ATF6: variants seen among roughly 807,000 people sequenced by gnomAD.
ATF6 encodes cyclic AMP-dependent transcription factor ATF-6 alpha.
ATF6 carries 53 observed loss-of-function variants against 83.6 expected under a neutral mutation model. The observed-to-expected ratio is 0.63, with a 90% CI of 0.51 to 0.80. ATF6 has a LOEUF of 0.80. Among genes scored for constraint, ATF6 ranks in the 30% least tolerant of loss-of-function variants. The pLI, the probability that ATF6 is intolerant of heterozygous loss-of-function variation, is 0.00. For synonymous variants in ATF6, 288 were observed against 285.8 expected (o/e 1.01, Z -0.08); for missense variants, 744 against 797.9 (o/e 0.93, Z 0.81).
rs376187541 is a variant in ATF6, at chr1:161,792,202, C to G, written c.563C>G (p.Ala188Gly). Residue 188 changes from alanine (A) to glycine (G), a missense_variant, in exon 6 of 16, where the codon GCA becomes GGA. Transcript: ENST00000367942. ...SIQPKPLLLP[A>G]APKTQTNSSV... Reference sequence around the variant, plus strand: ...CAGCCCAAGCCTTTATTGCTTCCAGCAGCACCCAAGACTCAAACAAACTCC... The same window carrying G: ...CAGCCCAAGCCTTTATTGCTTCCAGGAGCACCCAAGACTCAAACAAACTCC... 5.6e-6 allele frequency: 9 copies of G among 1,614,016 alleles called. No homozygotes were observed. In the African/African-American group the frequency reaches 1.2e-4, roughly 22 times the overall value.
At chr1:161,822,765 G>A (rs1486955322) in intron 9 of ATF6, among the ~76,000 whole-genome samples, 1 of 152,128 alleles carries the variant, frequency 6.6e-6, no homozygotes, top group East Asian at 1.9e-4. Context: ...ACCTAGTTAG[G>A]GAAGTAAGGC....
chr1:161,915,188 C>T (rs1288510831), intron 15 of ATF6, among the ~76,000 whole-genome samples: 1 of 152,170 alleles, frequency 6.6e-6, no homozygotes, highest in Admixed American at 6.5e-5. Flanking sequence ...GCTGCATCTA[C>T]ACCCACAAAC....
At chr1:161,857,782 A>G (rs80310329) in intron 12 of ATF6, among the ~76,000 whole-genome samples, 3,010 of 151,276 alleles carry the variant, frequency 0.02, 106 homozygotes, top group African/African-American at 0.07. Context: ...TACAGCTTAT[A>G]TAGAAGTAAA....
chr1:161,775,294 A>G (rs1684488588), intron 1 of ATF6, among the ~76,000 whole-genome samples: 1 of 152,208 alleles, frequency 6.6e-6, no homozygotes, highest in South Asian at 2.1e-4. Context: ...TTTTATTGCT[A>G]TTTTGGGGGA....
At chr1:161,788,685 G>A (rs768180132) in intron 4 of ATF6, among the ~76,000 whole-genome samples, 3 of 151,664 alleles carry the variant, frequency 2.0e-5, no homozygotes, top group Non-Finnish European at 2.9e-5. Context: ...TCACATTTAG[G>A]TTTCTTAATA....
At chr1:161,861,820 CTTT>C (rs1686892016) in intron 13 of ATF6, among the ~76,000 whole-genome samples, 1 of 152,066 alleles carries the variant, frequency 6.6e-6, no homozygotes, top group South Asian at 2.1e-4. Context: ...TATTTTTGTG[CTTT>C]TTGTTGGTAA....
At chr1:161,813,615 G>A (rs1685528664) in intron 7 of ATF6, among the ~76,000 whole-genome samples, 1 of 152,052 alleles carries the variant, frequency 6.6e-6, no homozygotes, top group African/African-American at 2.4e-5. Flanking sequence ...TGTTTTTGAA[G>A]GCTGTGGTGA....
At chr1:161,821,257 G>C (rs1356712079) in intron 9 of ATF6, 96 bp downstream of exon 9, 2 of 845,552 alleles carry the variant, frequency 2.4e-6, no homozygotes, top group African/African-American at 3.5e-5. Context: ...AAAATGATTT[G>C]TTTTTCAAGA....
intron 7 of ATF6, among the ~76,000 whole-genome samples, chr1:161,815,268 T>C (rs1379923280): frequency 6.8e-6 from 1 of 147,678 alleles, no homozygotes; most frequent in Non-Finnish European, 1.5e-5. Flanking sequence ...CATGGCTCAC[T>C]GCAGCCTCAA....
chr1:161,853,304 A>G lies in ATF6; in HGVS notation c.1514A>G (p.Gln505Arg). The G allele has an allele frequency of 8.1e-6, 13 of 1,613,088 alleles. No individual in the cohort carries two copies. The highest frequency in any genetic ancestry group is 1.1e-5 in the Non-Finnish European group (13 of 1,179,112). The change falls in exon 12 of 16, where the codon CAG (glutamine) becomes CGG (arginine). Residue 505 changes from glutamine (Q) to arginine (R), a missense_variant. By Grantham distance (43) the Gln-to-Arg change is conservative. Transcript: ENST00000367942. ...TCAAGAAGAATGACAAATAATCAAC[A>G]GAAAACCCGTATTCTTCAGGTATGT... Reference protein sequence around the residue: ...TKSRRMTNNQQKTRILQGALE... With the variant: ...TKSRRMTNNQRKTRILQGALE...
At chr1:161,784,420 A>T (rs187545281) in intron 4 of ATF6, among the ~76,000 whole-genome samples, 107 of 152,268 alleles carry the variant, frequency 7.0e-4, no homozygotes, top group African/African-American at 2.5e-3. Flanking sequence ...TAGGATATAC[A>T]TTCTTTATAT....
Position 161,958,799 on chromosome 1 carries a change from A to G in ATF6, c.*145A>G, listed in dbSNP as rs1689022347. 3.0e-6 allele frequency: 2 copies of G among 664,508 alleles called. No individual in the cohort carries two copies. The highest frequency in any genetic ancestry group is 3.6e-5 in the African/African-American group (2 of 55,118). The allele number at this position is 664,508 out of a possible 1,614,324, so 41.2% of individuals were successfully genotyped here. On this transcript the variant is annotated 3_prime_UTR_variant, in exon 16 of 16. Transcript: ENST00000367942. ...GGAGGAAAGAAGAAGAAATAAAAGA[A>G]GCTGCTCCATTTTTCATCATCTACC...
chr1:161,862,337 A>G (rs1370279191), intron 13 of ATF6, among the ~76,000 whole-genome samples: 1 of 152,166 alleles, frequency 6.6e-6, no homozygotes, highest in Non-Finnish European at 1.5e-5. Flanking sequence ...ATTGATACAT[A>G]CAAGTTTTCT....
At chr1:161,876,514 A>AGCTT (rs1258662031) in intron 14 of ATF6, among the ~76,000 whole-genome samples, 1 of 151,972 alleles carries the variant, frequency 6.6e-6, no homozygotes, top group East Asian at 1.9e-4. Flanking sequence ...GCTGTAATAG[A>AGCTT]ATTTTTTTTT....
intron 12 of ATF6, among the ~76,000 whole-genome samples, chr1:161,855,731 C>T (rs1686742744): frequency 6.6e-6 from 1 of 152,124 alleles, no homozygotes; most frequent in African/African-American, 2.4e-5. Context: ...TCCCAAAATT[C>T]AAGCAAAGAA....
intron 9 of ATF6, among the ~76,000 whole-genome samples, chr1:161,826,861 C>T (rs1401850436): frequency 6.6e-6 from 1 of 151,676 alleles, no homozygotes; most frequent in Non-Finnish European, 1.5e-5. Context: ...AAATTTGTCC[C>T]TGAATCAAAT....
At chr1:161,907,811 A>T (rs538998563) in intron 14 of ATF6, among the ~76,000 whole-genome samples, 3 of 152,318 alleles carry the variant, frequency 2.0e-5, no homozygotes, top group African/African-American at 7.2e-5. Context: ...TTTGAGTCCA[A>T]ATCCACTCTT....
At chr1:161,917,700 G>A (rs911203486) in intron 15 of ATF6, among the ~76,000 whole-genome samples, 30 of 152,150 alleles carry the variant, frequency 2.0e-4, no homozygotes, top group African/African-American at 7.0e-4. Flanking sequence ...GATTACAGGC[G>A]TGAGCCACCG....
At chr1:161,927,819 C>T (rs1176592209) in intron 15 of ATF6, among the ~76,000 whole-genome samples, 2 of 152,028 alleles carry the variant, frequency 1.3e-5, no homozygotes, top group African/African-American at 2.4e-5. Flanking sequence ...AATTGGAATA[C>T]TATTACTGTT....
Sources: allele counts gnomAD v4.1 joint callset (sites outside exome capture counted in the v4.1 genomes callset), GRCh38; gene constraint gnomAD v4.1.1; transcripts MANE v1.5; gene names NCBI Gene and HGNC (gene_info 2026-07-23, HGNC 2026-07-21).